The following SLIT1 variants were observed in gnomAD, a reference collection of about 807,000 sequenced individuals.
SLIT1 encodes slit homolog 1 protein.
In SLIT1, 66 loss-of-function variants were observed where a neutral mutation model predicts 186.1. That is an observed-to-expected ratio of 0.35 (90% CI 0.29 to 0.44). SLIT1 has a LOEUF of 0.44. SLIT1 is among the 20% of genes least tolerant of loss of function. The pLI, the probability that SLIT1 is intolerant of heterozygous loss-of-function variation, is 1.00. For synonymous variants in SLIT1, 761 were observed against 833.8 expected (o/e 0.91, Z 1.50); for missense variants, 1,638 against 2,037.4 (o/e 0.80, Z 3.77).
rs1388483749 is a variant in SLIT1 at position 97,063,457 on chromosome 10, G to A, written c.791C>T (p.Ser264Leu). 2 of 1,612,558 alleles carry A rather than the reference G, an allele frequency of 1.2e-6. No individual in the cohort carries two copies. The highest frequency in any genetic ancestry group is 1.7e-6 in the Non-Finnish European group (2 of 1,179,934). Residue 264 changes from serine to leucine, a missense_variant and splice_region_variant, in exon 8 of 37, where the codon TCA (serine) becomes TTA (leucine). Ser to Leu is a moderately radical substitution (Grantham distance 145, BLOSUM62 -2). Transcript: ENST00000266058. Reference sequence around the variant, plus strand: ...GCCCGGCAGGGGTCTGCACCCACCTGAGCAGCTGAACTCACTCTTCTGGAC... The same window carrying A: ...GCCCGGCAGGGGTCTGCACCCACCTAAGCAGCTGAACTCACTCTTCTGGAC... ...AEVQKSEFSC[S>L]GQGEAGRVPT...
chr10:97,165,520 C>T (rs899714862), intron 1 of SLIT1, among the ~76,000 whole-genome samples: 29 of 152,132 alleles, frequency 1.9e-4, no homozygotes, highest in Admixed American at 1.5e-3. Context: ...AGGGAGCAGA[C>T]GTGCCCCAAG....
intron 1 of SLIT1, among the ~76,000 whole-genome samples, chr10:97,179,800 T>TTC (rs1554855909): frequency 7.9e-6 from 1 of 126,384 alleles, no homozygotes; most frequent in Non-Finnish European, 1.8e-5. Context: ...CTCCACACCC[T>TTC]CCCCGCCCCC....
intron 4 of SLIT1, among the ~76,000 whole-genome samples, chr10:97,152,821 TG>T: frequency 1.3e-5 from 2 of 152,352 alleles, no homozygotes; most frequent in East Asian, 3.9e-4. Context: ...GTGGTCATAT[TG>T]TCAATGCAGT....
intron 3 of SLIT1, 48 bp from the exon 4 acceptor site, chr10:97,157,937 C>A (rs1164836981): frequency 7.3e-7 from 1 of 1,378,530 alleles, no homozygotes; most frequent in African/African-American, 1.4e-5. Context: ...GCCAGGAAAT[C>A]CAAAGGACTT....
intron 8 of SLIT1, among the ~76,000 whole-genome samples, chr10:97,063,151 G>C (rs1190899254): frequency 6.6e-6 from 1 of 152,164 alleles, no homozygotes; most frequent in East Asian, 1.9e-4. Flanking sequence ...GAGGGGACAG[G>C]AGGGAAAAGG....
At chr10:97,057,426 CTTGTCCACAGATGACAG>C in intron 11 of SLIT1, 145 bp from the exon 12 acceptor site, 1 of 624,478 alleles carries the variant, frequency 1.6e-6, no homozygotes, top group South Asian at 2.0e-5. Flanking sequence ...GTTATAGCAA[CTTGTCCACAGATGACAG>C]TAAAGTGTCT....
chr10:97,126,787 T>G (rs1445209858), intron 4 of SLIT1, among the ~76,000 whole-genome samples: 1 of 152,166 alleles, frequency 6.6e-6, no homozygotes, highest in Non-Finnish European at 1.5e-5. Context: ...GGAAGAACTT[T>G]CCAGAGGAAG....
At chr10:97,083,886 T>C (rs923667761) in intron 4 of SLIT1, among the ~76,000 whole-genome samples, 4 of 152,044 alleles carry the variant, frequency 2.6e-5, no homozygotes. Context: ...ATGAAGAGTG[T>C]GGTGGGAGCA....
At chr10:97,172,334 C>T (rs1850201544) in intron 1 of SLIT1, among the ~76,000 whole-genome samples, 2 of 152,188 alleles carry the variant, frequency 1.3e-5, no homozygotes, top group African/African-American at 4.8e-5. Flanking sequence ...GCATGAGCCA[C>T]CTCCCCCAGC....
chr10:97,047,108 A>C, intron 16 of SLIT1, 43 bp from the exon 17 acceptor site: 1 of 1,280,676 alleles, frequency 7.8e-7, no homozygotes, highest in South Asian at 1.2e-5. Flanking sequence ...CAAATGATGG[A>C]CATTTCAAAT....
intron 4 of SLIT1, among the ~76,000 whole-genome samples, chr10:97,083,840 G>T (rs1849129492): frequency 6.6e-6 from 1 of 152,314 alleles, no homozygotes; most frequent in African/African-American, 2.4e-5. Context: ...CAGACATGCA[G>T]CTGCATTTGA....
chr10:97,127,557 G>C (rs1849615832), intron 4 of SLIT1, among the ~76,000 whole-genome samples: 1 of 152,168 alleles, frequency 6.6e-6, no homozygotes, highest in African/African-American at 2.4e-5. Context: ...GACTAGCAAG[G>C]ACCTCATCAG....
intron 4 of SLIT1, among the ~76,000 whole-genome samples, chr10:97,141,571 C>G (rs946834925): frequency 1.6e-4 from 24 of 152,136 alleles, no homozygotes; most frequent in African/African-American, 5.3e-4. Context: ...GGACTGCCCT[C>G]CCCTGGAGAG....
chr10:97,098,470 G>A (rs1171433882), intron 4 of SLIT1, among the ~76,000 whole-genome samples: 5 of 152,182 alleles, frequency 3.3e-5, no homozygotes, highest in African/African-American at 4.8e-5. Context: ...GTACGGTGAG[G>A]ACTTGGCGAG....
chr10:97,163,854 C>T (rs1589417644), intron 2 of SLIT1, among the ~76,000 whole-genome samples: 1 of 152,254 alleles, frequency 6.6e-6, no homozygotes, highest in Non-Finnish European at 1.5e-5. Flanking sequence ...GTGCCCTGGC[C>T]TCTTTGGGCC....
intron 4 of SLIT1, among the ~76,000 whole-genome samples, chr10:97,084,779 G>C (rs1045039181): frequency 6.6e-6 from 1 of 151,692 alleles, no homozygotes; most frequent in Non-Finnish European, 1.5e-5. Flanking sequence ...CTAATTTTTT[G>C]TATTTTTAGT....
At chr10:97,030,482 C>T (rs1029769039) in intron 25 of SLIT1, among the ~76,000 whole-genome samples, 3 of 152,176 alleles carry the variant, frequency 2.0e-5, no homozygotes, top group Non-Finnish European at 2.9e-5. Context: ...AACTGTGAGG[C>T]GCACATTAGC....
chr10:97,020,411 C>T (rs1848492193), intron 26 of SLIT1, among the ~76,000 whole-genome samples: 1 of 152,158 alleles, frequency 6.6e-6, no homozygotes, highest in Admixed American at 6.5e-5. Context: ...AAAACAAAAC[C>T]CCTTCTCACC....
intron 20 of SLIT1, among the ~76,000 whole-genome samples, chr10:97,040,685 T>C (rs1397576930): frequency 6.6e-6 from 1 of 152,170 alleles, no homozygotes; most frequent in Non-Finnish European, 1.5e-5. Flanking sequence ...GCTTGAATCA[T>C]AAAGTGGGTC....
Sources: allele counts gnomAD v4.1 joint callset (sites outside exome capture counted in the v4.1 genomes callset), GRCh38; gene constraint gnomAD v4.1.1; transcripts MANE v1.5; gene names NCBI Gene and HGNC (gene_info 2026-07-23, HGNC 2026-07-21).